Variants in PTPRT observed in about 807,000 individuals in gnomAD.
PTPRT encodes protein tyrosine phosphatase receptor type T.
In PTPRT, 56 loss-of-function variants were observed where a neutral mutation model predicts 176.8. That is an observed-to-expected ratio of 0.32 (90% CI 0.26 to 0.40). PTPRT has a LOEUF of 0.40. Ranked by LOEUF, PTPRT falls within the 10% of genes least tolerant of loss-of-function variation. The probability of loss-of-function intolerance (pLI) is 1.00; values close to 1 mark genes in which losing one functional copy is unlikely to be tolerated. For missense variants in PTPRT, 1,540 were observed against 1,908.2 expected, an observed-to-expected ratio of 0.81 and a Z score of 3.60; for synonymous variants, 783 against 739.0, an observed-to-expected ratio of 1.06 and a Z score of -0.96.
intron 7 of PTPRT, among the ~76,000 whole-genome samples, chr20:42,595,857 T>C (rs1221756067): frequency 2.0e-5 from 3 of 152,194 alleles, no homozygotes; most frequent in Non-Finnish European, 4.4e-5. Context: ...GAGACAAGGC[T>C]GCCCAGGCTG....
At chr20:43,134,318 T>G (rs1056519358) in intron 1 of PTPRT, among the ~76,000 whole-genome samples, 1 of 152,218 alleles carries the variant, frequency 6.6e-6, no homozygotes, top group Non-Finnish European at 1.5e-5. Flanking sequence ...TCTGTGTACT[T>G]CCTTGTAAAA....
chr20:42,595,975 G>T (rs533976513), intron 7 of PTPRT, among the ~76,000 whole-genome samples: 1 of 152,226 alleles, frequency 6.6e-6, no homozygotes, highest in African/African-American at 2.4e-5. Flanking sequence ...TTCCTGGTGA[G>T]GGGGCTTCAA....
At chr20:42,087,279 G>T (rs897740694) in intron 27 of PTPRT, among the ~76,000 whole-genome samples, 7 of 151,888 alleles carry the variant, frequency 4.6e-5, no homozygotes, top group Admixed American at 3.9e-4. Context: ...TACCTAGGCG[G>T]GAGTGCAGTG....
At chr20:42,249,361 C>A (rs1030186875) in intron 13 of PTPRT, among the ~76,000 whole-genome samples, 3 of 152,106 alleles carry the variant, frequency 2.0e-5, no homozygotes, top group African/African-American at 4.8e-5. Context: ...CTTGAGTACA[C>A]CTTGGGTTCA....
chr20:42,662,739 T>C lies in PTPRT; in HGVS notation c.1153+15127A>G, dbSNP rs570631900. Among the ~76,000 whole-genome samples the C allele has an allele frequency of 1.2e-4, 18 of 152,260 alleles. No individual in the cohort carries two copies. The East Asian group carries it at 3.1e-3, about 26-fold the overall frequency. On this transcript the variant is annotated intron_variant, in intron 7 of 30. Transcript: ENST00000373187. ...CCCTATTTAACTGTCCCTTACTCTA[T>C]TTGAACACTGAGCTTGAAGCTTGGT...
intron 2 of PTPRT, among the ~76,000 whole-genome samples, chr20:42,841,090 C>G (rs1300758114): frequency 6.6e-6 from 1 of 152,160 alleles, no homozygotes; most frequent in Non-Finnish European, 1.5e-5. Flanking sequence ...CACCCTGTCC[C>G]CTCAAAACCC....
Position 42,118,497 on chromosome 20 carries a change from G to C in PTPRT, c.2888C>G (p.Pro963Arg). 1 of 1,606,048 alleles carries C rather than the reference G, an allele frequency of 6.2e-7. No homozygotes were observed. Among genetic ancestry groups the C allele is most frequent in the South Asian group, 1.1e-5 (1 of 89,804 alleles). Reference sequence around the variant, plus strand: ...AAAGTCCTTTACAGTCTCCTGCATCGGACCTGCCAACAGAGAAGACAGTGA... The same window carrying C: ...AAAGTCCTTTACAGTCTCCTGCATCCGACCTGCCAACAGAGAAGACAGTGA... ...RPRHYIATQGPMQETVKDFWR... is the reference protein window; with the variant it reads ...RPRHYIATQGRMQETVKDFWR... The change falls in exon 21 of 31, where the codon CCG (proline) becomes CGG (arginine). Residue 963 changes from proline (P) to arginine (R), a missense_variant. Physicochemically the swap from Pro to Arg is moderately radical, Grantham distance 103. Coordinates refer to ENST00000373187, the MANE Select transcript of PTPRT (RefSeq NM_007050.6).
At chr20:42,278,490 G>A (rs945841886) in intron 13 of PTPRT, among the ~76,000 whole-genome samples, 4 of 151,836 alleles carry the variant, frequency 2.6e-5, no homozygotes, top group African/African-American at 9.7e-5. Context: ...CAAGACTGGT[G>A]GGGCAAGGCC....
intron 2 of PTPRT, among the ~76,000 whole-genome samples, chr20:42,822,760 G>A (rs1287923501): frequency 2.6e-5 from 4 of 152,032 alleles, no homozygotes; most frequent in African/African-American, 7.2e-5. Context: ...CTTCTCAAAC[G>A]AAGACATTTA....
intron 2 of PTPRT, among the ~76,000 whole-genome samples, chr20:42,854,307 A>G (rs1023291297): frequency 2.0e-5 from 3 of 152,216 alleles, no homozygotes; most frequent in Non-Finnish European, 4.4e-5. Flanking sequence ...AAGGAACTCT[A>G]TCCTTGAAGC....
At chr20:42,218,936 G>T (rs1016788284) in intron 15 of PTPRT, among the ~76,000 whole-genome samples, 2 of 152,226 alleles carry the variant, frequency 1.3e-5, no homozygotes, top group Non-Finnish European at 2.9e-5. Flanking sequence ...ACAGACAGCC[G>T]GTGGGCTGTT....
intron 8 of PTPRT, among the ~76,000 whole-genome samples, chr20:42,450,999 A>G (rs2070817861): frequency 6.6e-6 from 1 of 152,328 alleles, no homozygotes; most frequent in East Asian, 1.9e-4. Context: ...GAGTTGCTTG[A>G]TAAGTAGAAG....
intron 7 of PTPRT, among the ~76,000 whole-genome samples, chr20:42,506,417 T>C (rs1186164723): frequency 6.6e-6 from 1 of 152,098 alleles, no homozygotes; most frequent in Non-Finnish European, 1.5e-5. Context: ...GCCTTCTTTA[T>C]TGACTTAATT....
At chr20:42,478,472 C>A (rs2071328571) in intron 7 of PTPRT, among the ~76,000 whole-genome samples, 1 of 152,124 alleles carries the variant, frequency 6.6e-6, no homozygotes, top group Admixed American at 6.5e-5. Flanking sequence ...TACCCGAGCC[C>A]ACCCTGCAAC....
chr20:42,209,436 T>C (rs6102731), intron 15 of PTPRT, among the ~76,000 whole-genome samples: 3,246 of 151,860 alleles, frequency 0.021, 111 homozygotes, highest in African/African-American at 0.074. Context: ...AAGAATCTAA[T>C]AGACACAATA....
rs552946985 is a variant in PTPRT, at chr20:42,704,357, C to T, written c.860-26198G>A. Among the ~76,000 whole-genome samples the T allele has an allele frequency of 2.6e-5, 4 of 151,228 alleles. No homozygotes were observed. In the South Asian group the frequency reaches 8.4e-4, roughly 32 times the overall value. On this transcript the variant is annotated intron_variant, in intron 6 of 30. Transcript: ENST00000373187. ...CTGTGGTGTACATTCTCCCTCACTA[C>T]AATAAGTCATAAACCCAACTTGTTC...
chr20:42,914,551 A>G (rs1978608175), intron 1 of PTPRT, among the ~76,000 whole-genome samples: 1 of 152,214 alleles, frequency 6.6e-6, no homozygotes, highest in African/African-American at 2.4e-5. Flanking sequence ...CCAAGCATCA[A>G]ATGATTTATG....
chr20:42,628,473 T>G (rs6030383), intron 7 of PTPRT, among the ~76,000 whole-genome samples: 18,416 of 152,086 alleles, frequency 0.12, 1,199 homozygotes, highest in South Asian at 0.15. Flanking sequence ...TCAATATATT[T>G]AATCTTAATA....
Position 42,084,747 on chromosome 20 carries a change from G to A in PTPRT, c.4071C>T (p.Val1357=). The A allele has an allele frequency of 6.4e-7, 1 of 1,567,124 alleles. No individual in the cohort carries two copies. Among genetic ancestry groups the A allele is most frequent in the East Asian group, 2.3e-5 (1 of 43,186 alleles). ...GCTCCTGCCACTTCTCCAGTCGTCG[G>A]ACCACTTTGAGCAGAGAGCGCTTGG... is the stretch of plus-strand genomic sequence containing the variant. The part of the protein sequence containing the change: ...PPSKRSLLKV[V]RRLEKWQEQY... The change falls in exon 29 of 31, where the codon GTC becomes GTT. Residue 1357 remains valine (V), a synonymous_variant. Coordinates refer to ENST00000373187, the MANE Select transcript of PTPRT (RefSeq NM_007050.6).
Sources: gnomAD v4.1 joint callset for allele counts (sites outside exome capture counted in the v4.1 genomes callset) on GRCh38, gnomAD v4.1.1 for gene constraint, MANE v1.5 for transcripts, NCBI Gene and HGNC (gene_info 2026-07-23, HGNC 2026-07-21) for gene names.